SRPX2: variants seen among roughly 807,000 people sequenced by gnomAD.
SRPX2 encodes sushi repeat-containing protein SRPX2.
In SRPX2, 26 loss-of-function variants were observed where a neutral mutation model predicts 45.3. The observed-to-expected ratio is 0.57, with a 90% CI of 0.42 to 0.80. The LOEUF (loss-of-function observed/expected upper bound fraction) is 0.80, where lower values mean the gene tolerates loss of function less well. Among genes scored for constraint, SRPX2 ranks in the 30% least tolerant of loss-of-function variants. The pLI, the probability that SRPX2 is intolerant of heterozygous loss-of-function variation, is 0.00. For missense variants in SRPX2, 355 were observed against 399.8 expected (o/e 0.89, Z 0.95); for synonymous variants, 125 against 143.7 (o/e 0.87, Z 0.93).
At chrX:100,655,981 C>T (rs1183749592) in intron 3 of SRPX2, among the ~76,000 whole-genome samples, 1 of 107,109 alleles carries the variant, frequency 9.3e-6, no homozygotes, top group African/African-American at 3.4e-5. Context: ...CTCCTGCCTC[C>T]GCCTCCCAAG....
rs1358834393 is a variant in SRPX2 at position 100,672,334 on chromosome X, G to GGGGTCATCAGGGA, written c.*1357_*1358insGGAGGGTCATCAG. 1 of 111,971 alleles carries GGGGTCATCAGGGA rather than the reference G, an allele frequency of 8.9e-6. No homozygotes were observed. The highest frequency in any genetic ancestry group is 1.9e-5 in the Non-Finnish European group (1 of 53,213). 9.2% of individuals were successfully genotyped at this position (111,971 alleles called of 1,213,427 possible). ...GCCTCTCTCCTTCAGCTTTACTCAGGGGGTCATCAGTGGATGACTTGAGGG... is the reference window on the plus strand; with the variant it reads ...GCCTCTCTCCTTCAGCTTTACTCAGGGGGTCATCAGGGAGGGTCATCAGTGGATGACTTGAGGG... On this transcript the variant is annotated 3_prime_UTR_variant, in exon 11 of 11. Transcript: ENST00000373004.
At position 100,672,066 on chromosome X, in the gene SRPX2, TAAC is replaced by T. The variant is rs1204059237; in HGVS notation, c.*1080_*1082del. Reference sequence around the variant, plus strand: ...GAAAAACAGACTCAGCCTCATGTATTAACTTCTTCAGATACTTGTCCCCTTTTG... The same window carrying T: ...GAAAAACAGACTCAGCCTCATGTATTTTCTTCAGATACTTGTCCCCTTTTG... On this transcript the variant is annotated 3_prime_UTR_variant, in exon 11 of 11. Transcript: ENST00000373004. The T allele has an allele frequency of 8.9e-6, 1 of 112,398 alleles. No individual in the cohort carries two copies. Among genetic ancestry groups the T allele is most frequent in the African/African-American group, 3.2e-5 (1 of 30,916 alleles). The allele number at this position is 112,398 out of a possible 1,213,427, so 9.3% of individuals were successfully genotyped here.
At chrX:100,666,355 G>A (rs745946287) in intron 7 of SRPX2, among the ~76,000 whole-genome samples, 2 of 111,792 alleles carry the variant, frequency 1.8e-5, no homozygotes, top group East Asian at 2.8e-4. Context: ...AAAATATATC[G>A]TAATTTGCTT....
Position 100,671,232 on chromosome X carries a change from C to T in SRPX2, c.*245C>T, listed in dbSNP as rs2083223753. 2.1e-5 allele frequency: 9 copies of T among 421,196 alleles called. No homozygotes were observed. In the South Asian group the frequency reaches 3.1e-4, roughly 15 times the overall value. 34.7% of individuals were successfully genotyped at this position (421,196 alleles called of 1,213,427 possible). A position where few individuals can be genotyped will look rare whatever the true frequency, so the allele number is the denominator to read the frequency against. On this transcript the variant is annotated 3_prime_UTR_variant, in exon 11 of 11. Transcript: ENST00000373004. Reference sequence around the variant, plus strand: ...GGTTGGGGGTAGAAGTTCTTCCTTTCCTAACCCGGGCCCCTGCCCAGCTCT... The same window carrying T: ...GGTTGGGGGTAGAAGTTCTTCCTTTTCTAACCCGGGCCCCTGCCCAGCTCT...
At chrX:100,650,004 T>G (rs1389902651) in intron 2 of SRPX2, among the ~76,000 whole-genome samples, 1 of 112,147 alleles carries the variant, frequency 8.9e-6, no homozygotes, top group African/African-American at 3.2e-5. Context: ...TACTGTTTAG[T>G]CTCCCAGACA....
chrX:100,649,990 A>T (rs984538622), intron 2 of SRPX2, among the ~76,000 whole-genome samples: 2 of 112,067 alleles, frequency 1.8e-5, no homozygotes, highest in African/African-American at 3.2e-5. Context: ...CGTCTGGTGG[A>T]ACATACTGTT....
At position 100,650,809 on chromosome X, in the gene SRPX2, G is replaced by A; in HGVS notation, c.107G>A (p.Ser36Asn). The A allele has an allele frequency of 8.3e-7, 1 of 1,211,056 alleles. No individual in the cohort carries two copies. Among genetic ancestry groups the A allele is most frequent in the Non-Finnish European group, 1.1e-6 (1 of 894,929 alleles). Residue 36 changes from serine to asparagine, a missense_variant, in exon 3 of 11, where the codon AGC (serine) becomes AAC (asparagine). Ser to Asn is a conservative substitution (Grantham distance 46). Transcript: ENST00000373004. Reference sequence around the variant, plus strand: ...GGTTCTGGCTACTATCCGGATGAAAGCTACAATGAAGTATATGCAGAGGAG... The same window carrying A: ...GGTTCTGGCTACTATCCGGATGAAAACTACAATGAAGTATATGCAGAGGAG... ...YAGSGYYPDE[S>N]YNEVYAEEVP...
chrX:100,651,747 C>T (rs965344415), intron 3 of SRPX2, among the ~76,000 whole-genome samples: 6 of 101,700 alleles, frequency 5.9e-5, no homozygotes, highest in African/African-American at 2.2e-4. Context: ...TGAGATGGCA[C>T]CACTGCTCTC....
At position 100,674,996 on chromosome X, in the gene SRPX2, C is replaced by T. The variant is rs2083254269; in HGVS notation, c.*4009C>T. ...ACATTCCCTTAGAGCCCTTAACAGT[C>T]CCCAGCCTGGAGAAACACTGGGCCA... On this transcript the variant is annotated 3_prime_UTR_variant, in exon 11 of 11. Coordinates refer to ENST00000373004, the MANE Select transcript of SRPX2 (RefSeq NM_014467.3). 1 of 112,017 alleles carries T rather than the reference C, an allele frequency of 8.9e-6. No homozygotes were observed. Among genetic ancestry groups the T allele is most frequent in the Non-Finnish European group, 1.9e-5 (1 of 53,263 alleles). 9.2% of individuals were successfully genotyped at this position (112,017 alleles called of 1,213,427 possible). A position where few individuals can be genotyped will look rare whatever the true frequency, so the allele number is the denominator to read the frequency against.
At chrX:100,658,013 C>T (rs1406855663) in intron 3 of SRPX2, among the ~76,000 whole-genome samples, 1 of 111,933 alleles carries the variant, frequency 8.9e-6, no homozygotes, top group Non-Finnish European at 1.9e-5. Flanking sequence ...ATTATTAGTC[C>T]CCTGATGGAT....
At chrX:100,669,416 C>CGGGGGGGGGGGGGTGGGGGG in intron 10 of SRPX2, 47 bp downstream of exon 10, 1 of 104,451 alleles carries the variant, frequency 9.6e-6, no homozygotes, top group African/African-American at 6.3e-5. Context: ...GGGGCTGGGG[C>CGGGGGGGGGGGGGTGGGGGG]GGGGGGAGAA....
intron 3 of SRPX2, among the ~76,000 whole-genome samples, chrX:100,653,284 C>T (rs967631533): frequency 9.0e-6 from 1 of 111,560 alleles, no homozygotes; most frequent in African/African-American, 3.3e-5. Flanking sequence ...GACCTTCCTA[C>T]TTCTGATAAC....
chrX:100,661,456 T>C (rs2083186791), intron 3 of SRPX2, among the ~76,000 whole-genome samples: 1 of 112,890 alleles, frequency 8.9e-6, no homozygotes. Flanking sequence ...AATTTGTTAA[T>C]TCATTAATTT....
intron 3 of SRPX2, among the ~76,000 whole-genome samples, chrX:100,657,349 CTTTTT>C (rs1163232018): frequency 1.1e-4 from 3 of 28,417 alleles, no homozygotes; most frequent in African/African-American, 3.1e-4. Flanking sequence ...TTATTTATGT[CTTTTT>C]TTTTTTTTTT....
rs184299575 is a variant in SRPX2 at position 100,667,632 on chromosome X, G to A, written c.1095+225G>A. Among the ~76,000 whole-genome samples, 83 of 112,470 alleles carry A rather than the reference G, an allele frequency of 7.4e-4. No individual in the cohort carries two copies. The Middle Eastern group carries it at 0.014, about 19-fold the overall frequency. On this transcript the variant is annotated intron_variant, in intron 9 of 10. Coordinates refer to ENST00000373004, the MANE Select transcript of SRPX2 (RefSeq NM_014467.3). ...TGGTGGCTGTGACTTGCAGGGAGCT[G>A]GGTGAAAGATGGGAAGGGAGTGTGG... is the stretch of plus-strand genomic sequence containing the variant.
At chrX:100,667,242 G>A (rs762732299) in intron 8 of SRPX2, 32 bp from the exon 9 acceptor site, 13 of 1,208,498 alleles carry the variant, frequency 1.1e-5, no homozygotes, top group Admixed American at 2.2e-5. Flanking sequence ...GGAGAAAGCC[G>A]TACTCTGACT....
intron 3 of SRPX2, among the ~76,000 whole-genome samples, chrX:100,657,818 GTT>G (rs944954025): frequency 5.8e-4 from 65 of 111,862 alleles, no homozygotes; most frequent in African/African-American, 1.8e-3. Flanking sequence ...CCAATATTTT[GTT>G]TTTGTTTTTT....
intron 9 of SRPX2, among the ~76,000 whole-genome samples, chrX:100,667,788 G>A (rs61574413): frequency 0.012 from 1,387 of 112,394 alleles, 23 homozygotes; most frequent in African/African-American, 0.042. Context: ...TAGCTATCCA[G>A]TACTGATCTA....
At chrX:100,648,900 G>C (rs1050107191) in intron 2 of SRPX2, among the ~76,000 whole-genome samples, 35 of 112,283 alleles carry the variant, frequency 3.1e-4, no homozygotes, top group African/African-American at 1.0e-3. Flanking sequence ...TGGTATCTAG[G>C]GGGTCAAGCA....
Sources: gnomAD v4.1 joint callset for allele counts (sites outside exome capture counted in the v4.1 genomes callset) on GRCh38, gnomAD v4.1.1 for gene constraint, MANE v1.5 for transcripts, NCBI Gene and HGNC (gene_info 2026-07-23, HGNC 2026-07-21) for gene names.